Variants in TTLL5 observed in about 807,000 individuals in gnomAD.
The protein encoded by TTLL5 is tubulin tyrosine ligase like 5, also known as tubulin polyglutamylase TTLL5.
TTLL5 carries 132 observed loss-of-function variants against 168.4 expected under a neutral mutation model. The ratio of observed to expected loss-of-function variants is 0.78; its 90% CI spans 0.68 to 0.91. The LOEUF is 0.91. TTLL5 is among the 40% of genes least tolerant of loss of function. The pLI, the probability that TTLL5 is intolerant of heterozygous loss-of-function variation, is 0.00. For missense variants in TTLL5, 1,545 were observed against 1,581.5 expected, an observed-to-expected ratio of 0.98 and a Z score of 0.39; for synonymous variants, 546 against 558.6, an observed-to-expected ratio of 0.98 and a Z score of 0.32.
chr14:75,811,868 G>A (rs1894061107), intron 27 of TTLL5, among the ~76,000 whole-genome samples: 1 of 152,158 alleles, frequency 6.6e-6, no homozygotes, highest in Non-Finnish European at 1.5e-5. Flanking sequence ...TATAGTGCTG[G>A]CAGCAGTACG....
intron 6 of TTLL5, among the ~76,000 whole-genome samples, chr14:75,695,534 A>G (rs1357436321): frequency 6.6e-6 from 1 of 152,024 alleles, no homozygotes; most frequent in East Asian, 1.9e-4. Flanking sequence ...ATCACTAATA[A>G]AAACTTGCTG....
intron 28 of TTLL5, among the ~76,000 whole-genome samples, chr14:75,847,341 T>C (rs529067145): frequency 1.3e-5 from 2 of 152,024 alleles, no homozygotes; most frequent in Non-Finnish European, 2.9e-5. Context: ...CAAAGCTGAT[T>C]AGCTTCTTTA....
chr14:75,786,762 G>C, intron 26 of TTLL5, among the ~76,000 whole-genome samples: 1 of 152,168 alleles, frequency 6.6e-6, no homozygotes, highest in East Asian at 1.9e-4. Context: ...AAAATGAATT[G>C]TGGATAAAAA....
At chr14:75,753,029 C>G (rs2140274878) in intron 18 of TTLL5, 74 bp downstream of exon 18, 1 of 1,419,820 alleles carries the variant, frequency 7.0e-7, no homozygotes. Flanking sequence ...AAGAAGGAAA[C>G]AGACCTTATA....
chr14:75,691,046 G>A (rs1344812391), intron 6 of TTLL5, among the ~76,000 whole-genome samples: 2 of 152,122 alleles, frequency 1.3e-5, no homozygotes, highest in Non-Finnish European at 2.9e-5. Context: ...TATGTTCTTT[G>A]AGGGTAGAGA....
chr14:75,757,710 C>T, intron 18 of TTLL5: 1 of 745,368 alleles, frequency 1.3e-6, no homozygotes, highest in East Asian at 2.9e-5. Context: ...AGATGCCCTC[C>T]TTGGCCTAAT....
intron 28 of TTLL5, among the ~76,000 whole-genome samples, chr14:75,847,135 G>T (rs1156510123): frequency 1.3e-5 from 2 of 151,900 alleles, no homozygotes; most frequent in Admixed American, 1.3e-4. Context: ...CCAAGTAGCT[G>T]GGATTATAGG....
intron 29 of TTLL5, among the ~76,000 whole-genome samples, chr14:75,881,639 C>T (rs970817960): frequency 4.6e-5 from 7 of 152,170 alleles, no homozygotes; most frequent in African/African-American, 1.7e-4. Flanking sequence ...TTCATCCTGC[C>T]TCACCATGAG....
At chr14:75,735,163 G>T (rs1486962442) in intron 14 of TTLL5, 32 bp from the exon 15 acceptor site, 15 of 1,605,224 alleles carry the variant, frequency 9.3e-6, no homozygotes, top group Non-Finnish European at 1.3e-5. Context: ...TTAGAAAATG[G>T]CAGGTTTTAA....
chr14:75,760,204 A>G (rs1329293861), intron 18 of TTLL5, among the ~76,000 whole-genome samples: 4 of 152,202 alleles, frequency 2.6e-5, no homozygotes, highest in Admixed American at 2.6e-4. Context: ...CTAGTAGTAA[A>G]TAATTGGAAA....
intron 28 of TTLL5, among the ~76,000 whole-genome samples, chr14:75,846,512 C>T (rs569801463): frequency 2.0e-5 from 3 of 152,198 alleles, no homozygotes; most frequent in Admixed American, 1.3e-4. Flanking sequence ...AGATACTGGC[C>T]GGGTGTGGTG....
At chr14:75,792,240 G>A (rs1164532214) in intron 26 of TTLL5, among the ~76,000 whole-genome samples, 1 of 115,398 alleles carries the variant, frequency 8.7e-6, no homozygotes, top group Non-Finnish European at 1.7e-5. Flanking sequence ...GGGGGAGGGG[G>A]GAGGGATAGC....
chr14:75,858,839 A>C (rs532556681), intron 28 of TTLL5, among the ~76,000 whole-genome samples: 1 of 152,338 alleles, frequency 6.6e-6, no homozygotes, highest in Non-Finnish European at 1.5e-5. Context: ...TCATGGCCTT[A>C]TAGTGTTTCT....
chr14:75,721,001 G>T (rs1391460323), intron 12 of TTLL5, among the ~76,000 whole-genome samples: 1 of 152,208 alleles, frequency 6.6e-6, no homozygotes, highest in Non-Finnish European at 1.5e-5. Context: ...CAGGAATCCA[G>T]CTCTAACAAA....
intron 1 of TTLL5, among the ~76,000 whole-genome samples, chr14:75,662,021 C>T (rs1890764956): frequency 6.6e-6 from 1 of 152,164 alleles, no homozygotes; most frequent in South Asian, 2.1e-4. Flanking sequence ...CTTCTTCTGA[C>T]ACACACAACG....
chr14:75,781,296 G>A (rs546848450), intron 24 of TTLL5, among the ~76,000 whole-genome samples: 5 of 152,238 alleles, frequency 3.3e-5, no homozygotes, highest in African/African-American at 7.2e-5. Flanking sequence ...ATAACTGGCC[G>A]GCGGGGGCAG....
chr14:75,863,936 G>GAAAAAAAAAAAAA (rs1298428665), intron 29 of TTLL5, 74 bp downstream of exon 29: 1 of 651,742 alleles, frequency 1.5e-6, no homozygotes, highest in Admixed American at 5.9e-5. Flanking sequence ...AAAAAAAAAG[G>GAAAAAAAAAAAAA]TCAGTGAATG....
intron 31 of TTLL5, among the ~76,000 whole-genome samples, chr14:75,927,678 T>C (rs898822197): frequency 6.6e-6 from 1 of 152,212 alleles, no homozygotes; most frequent in African/African-American, 2.4e-5. Context: ...CCTGCTGTTT[T>C]ATCCTCCCAG....
intron 6 of TTLL5, among the ~76,000 whole-genome samples, chr14:75,695,101 G>C (rs1301193907): frequency 6.6e-6 from 1 of 152,178 alleles, no homozygotes; most frequent in Non-Finnish European, 1.5e-5. Context: ...TCTTACAAAA[G>C]CGAATAGGAG....
Sources: gnomAD v4.1 joint callset for allele counts (sites outside exome capture counted in the v4.1 genomes callset) on GRCh38, gnomAD v4.1.1 for gene constraint, MANE v1.5 for transcripts, NCBI Gene and HGNC (gene_info 2026-07-23, HGNC 2026-07-21) for gene names.